The following PHEX variants were observed in gnomAD, a reference collection of about 807,000 sequenced individuals.
PHEX encodes the protein phosphate-regulating neutral endopeptidase PHEX.
Under a neutral mutation model 68.0 loss-of-function variants are expected in PHEX, and 16 were observed. The ratio of observed to expected loss-of-function variants is 0.24; its 90% confidence interval spans 0.16 to 0.36. PHEX has a LOEUF of 0.36. Among genes scored for constraint, PHEX ranks in the 10% least tolerant of loss-of-function variants. PHEX has a pLI of 1.00. For missense variants in PHEX, 480 were observed against 575.5 expected, an observed-to-expected ratio of 0.83 and a Z score of 1.70; for synonymous variants, 208 against 205.1, an observed-to-expected ratio of 1.01 and a Z score of -0.12.
intron 12 of PHEX, among the ~76,000 whole-genome samples, chrX:22,135,900 A>C (rs754073506): frequency 1.8e-5 from 2 of 111,772 alleles, no homozygotes; most frequent in Non-Finnish European, 3.8e-5. Context: ...ATTGGATCTC[A>C]CAAAGTTCCC....
intron 3 of PHEX, among the ~76,000 whole-genome samples, chrX:22,067,457 G>A (rs1181748072): frequency 9.0e-6 from 1 of 111,283 alleles, no homozygotes; most frequent in Non-Finnish European, 1.9e-5. Context: ...ATGCAAGGAG[G>A]GTGTTTCCAA....
intron 3 of PHEX, among the ~76,000 whole-genome samples, chrX:22,075,348 G>A (rs1329531445): frequency 1.0e-5 from 1 of 97,835 alleles, no homozygotes; most frequent in Non-Finnish European, 2.0e-5. Flanking sequence ...TTCCTCTTCA[G>A]GAGATATACA....
chrX:22,117,978 G>A (rs1390438548), intron 11 of PHEX, among the ~76,000 whole-genome samples: 1 of 110,344 alleles, frequency 9.1e-6, no homozygotes, highest in African/African-American at 3.3e-5. Flanking sequence ...ATTAGCTACA[G>A]TCTAAAGAAA....
intron 20 of PHEX, among the ~76,000 whole-genome samples, chrX:22,231,909 G>A (rs750653210): frequency 5.2e-4 from 58 of 112,124 alleles, no homozygotes; most frequent in African/African-American, 1.8e-3. Context: ...TGCATTTAGT[G>A]CTATAAATTT....
intron 11 of PHEX, among the ~76,000 whole-genome samples, chrX:22,133,097 G>A (rs917207598): frequency 2.7e-5 from 3 of 111,587 alleles, no homozygotes; most frequent in Non-Finnish European, 5.6e-5. Context: ...TGTTGCCCAT[G>A]TTGGTCTTGA....
intron 2 of PHEX, among the ~76,000 whole-genome samples, chrX:22,044,750 A>T (rs1411532153): frequency 5.5e-5 from 3 of 54,563 alleles, no homozygotes; most frequent in Admixed American, 1.6e-4. Context: ...AATAAAAAAT[A>T]AAAAAGTAGC....
intron 6 of PHEX, among the ~76,000 whole-genome samples, chrX:22,090,761 G>T (rs1382652240): frequency 1.8e-5 from 2 of 112,050 alleles, no homozygotes; most frequent in Non-Finnish European, 3.8e-5. Flanking sequence ...ACAAAGAAAT[G>T]AGCTTGCAGT....
In PHEX at chrX:22,247,873, T is replaced by C; in HGVS notation, c.2170T>C (p.Phe724Leu). 1 of 1,206,606 alleles carries C rather than the reference T, an allele frequency of 8.3e-7. No individual in the cohort carries two copies. The highest frequency in any genetic ancestry group is 1.1e-6 in the Non-Finnish European group (1 of 890,799). ...CAGGGTCAATGGTGCAATTAGTAAC[T>C]TTGAAGAATTCCAGAAAGCTTTTAA... ...QFRVNGAISN[F>L]EEFQKAFNCP... The change falls in exon 22 of 22, where the codon TTT (phenylalanine) becomes CTT (leucine). Residue 724 changes from phenylalanine to leucine, a missense_variant. Physicochemically the swap from Phe to Leu is conservative, Grantham distance 22 (BLOSUM62 0). Transcript: ENST00000379374.
intron 12 of PHEX, among the ~76,000 whole-genome samples, chrX:22,140,108 G>C (rs1932394037): frequency 9.0e-6 from 1 of 111,578 alleles, no homozygotes; most frequent in Admixed American, 9.5e-5. Context: ...TGCTGGTCTG[G>C]GGCCTGTGCT....
At chrX:22,063,546 C>T (rs1404096251) in intron 3 of PHEX, among the ~76,000 whole-genome samples, 3 of 111,866 alleles carry the variant, frequency 2.7e-5, no homozygotes, top group Non-Finnish European at 3.8e-5. Context: ...AGAAAGGAGG[C>T]AATTGTGTTT....
At chrX:22,144,956 ATGT>A (rs1932624634) in intron 12 of PHEX, among the ~76,000 whole-genome samples, 1 of 111,644 alleles carries the variant, frequency 9.0e-6, no homozygotes, top group Non-Finnish European at 1.9e-5. Context: ...GTCTTTTAAC[ATGT>A]TGTTCTGTCT....
intron 11 of PHEX, among the ~76,000 whole-genome samples, chrX:22,124,407 G>C (rs749615247): frequency 1.1e-4 from 12 of 112,232 alleles, no homozygotes; most frequent in Middle Eastern, 4.6e-3. Context: ...GCATTGGGCA[G>C]TGTTGCCTTT....
chrX:22,114,707 ATTCT>A, intron 11 of PHEX, 121 bp downstream of exon 11: 2 of 601,972 alleles, frequency 3.3e-6, no homozygotes, highest in Non-Finnish European at 5.7e-6. Context: ...TTGTCTTCAG[ATTCT>A]TTCAACTTCT....
chrX:22,077,376 G>C (rs999045469), intron 4 of PHEX, 100 bp from the exon 5 acceptor site: 3 of 735,617 alleles, frequency 4.1e-6, no homozygotes, highest in African/African-American at 2.1e-5. Flanking sequence ...TTTTAAGTTG[G>C]AGCATTATGG....
chrX:22,176,530 A>G (rs1273092075), intron 13 of PHEX, among the ~76,000 whole-genome samples: 1 of 109,412 alleles, frequency 9.1e-6, no homozygotes, highest in African/African-American at 3.3e-5. Flanking sequence ...ACATATTGCC[A>G]TATTAGCTTT....
chrX:22,195,275 G>C (rs1446374210), intron 15 of PHEX, among the ~76,000 whole-genome samples: 1 of 111,978 alleles, frequency 8.9e-6, no homozygotes, highest in Non-Finnish European at 1.9e-5. Flanking sequence ...GATCGGCAGG[G>C]GGGATTATTT....
At chrX:22,178,106 G>T (rs1476634433) in intron 13 of PHEX, among the ~76,000 whole-genome samples, 167 bp from the exon 14 acceptor site, 2 of 112,241 alleles carry the variant, frequency 1.8e-5, no homozygotes, top group African/African-American at 6.5e-5. Context: ...AAATCACTGA[G>T]ACTAAATTTC....
At chrX:22,092,579 G>C (rs1240044544) in intron 6 of PHEX, among the ~76,000 whole-genome samples, 2 of 109,518 alleles carry the variant, frequency 1.8e-5, no homozygotes, top group African/African-American at 3.3e-5. Context: ...CACCATGTTG[G>C]CCAGGCTGGT....
rs7052268 is a variant in PHEX, at chrX:22,098,789, A to C, written c.934-217A>C. ...CTCCAGCCTGGGTGATAGAGCGAGA[A>C]TGTCTCAAAAAAAAAAAAAAAAAAA... On this transcript the variant is annotated intron_variant, in intron 8 of 21. Transcript: ENST00000379374. 0.074 allele frequency among the ~76,000 whole-genome samples: 5,832 copies of C among 78,758 alleles called. 502 individuals carry two copies. The highest frequency in any genetic ancestry group is 0.2 in the African/African-American group (4,191 of 21,293). 68.4% of individuals were successfully genotyped at this position (78,758 alleles called of 115,157 possible). A position where few individuals can be genotyped will look rare whatever the true frequency, so the allele number is the denominator to read the frequency against.
Sources: allele counts gnomAD v4.1 joint callset (sites outside exome capture counted in the v4.1 genomes callset), GRCh38; gene constraint gnomAD v4.1.1; transcripts MANE v1.5; gene names NCBI Gene and HGNC (gene_info 2026-07-23, HGNC 2026-07-21).